The following CIB2 variants were observed in gnomAD, a reference collection of about 807,000 sequenced individuals.
The protein encoded by CIB2 is calcium and integrin-binding family member 2.
CIB2 carries 19 observed loss-of-function variants against 23.1 expected under a neutral mutation model. The ratio of observed to expected loss-of-function variants is 0.82; its 90% confidence interval spans 0.57 to 1.21. The LOEUF is 1.21. Ranked by LOEUF, CIB2 falls within the 50% of genes most tolerant of loss-of-function variation. The pLI is 0.00. For missense variants in CIB2, 220 were observed against 241.5 expected (o/e 0.91, Z 0.59); for synonymous variants, 94 against 91.7 (o/e 1.03, Z -0.14).
chr15:78,108,889 T>C (rs1340200954), intron 4 of CIB2, among the ~76,000 whole-genome samples: 1 of 152,206 alleles, frequency 6.6e-6, no homozygotes. Context: ...CGCTTCCCTG[T>C]GTCTGCATGG....
At chr15:78,130,467 C>T (rs578233994) in intron 1 of CIB2, among the ~76,000 whole-genome samples, 3 of 152,226 alleles carry the variant, frequency 2.0e-5, no homozygotes, top group African/African-American at 7.2e-5. Context: ...GCAACCACAG[C>T]GAAGTTTTTA....
At chr15:78,117,241 A>G (rs2074252340) in intron 2 of CIB2, among the ~76,000 whole-genome samples, 1 of 133,450 alleles carries the variant, frequency 7.5e-6, no homozygotes, top group Non-Finnish European at 1.6e-5. Flanking sequence ...TCTTCAAGCT[A>G]CTGGCAAAAA....
intron 2 of CIB2, 88 bp from the exon 3 acceptor site, chr15:78,111,364 C>T: frequency 9.9e-7 from 1 of 1,013,574 alleles, no homozygotes; most frequent in Admixed American, 2.2e-5. Context: ...GCCTCTGCCT[C>T]TGCAGAACAT....
At chr15:78,116,241 T>A (rs2074239101) in intron 2 of CIB2, among the ~76,000 whole-genome samples, 1 of 152,082 alleles carries the variant, frequency 6.6e-6, no homozygotes, top group East Asian at 1.9e-4. Flanking sequence ...AGCCAATCAC[T>A]TGAGCCTAGG....
chr15:78,131,111 G>A lies in CIB2; in HGVS notation c.51+54C>T. 6.7e-7 allele frequency: 1 copy of A among 1,493,306 alleles called. No homozygotes were observed. Among genetic ancestry groups the A allele is most frequent in the South Asian group, 1.2e-5 (1 of 83,276 alleles). The allele number at this position is 1,493,306 out of a possible 1,614,324, so 92.5% of individuals were successfully genotyped here. On this transcript the variant is annotated intron_variant, in intron 1 of 5. Coordinates refer to ENST00000258930, the MANE Select transcript of CIB2 (RefSeq NM_006383.4). The surrounding 1 kb of genome is among the most constrained non-coding windows in gnomAD (Gnocchi z 5.8). ...GCCTCGGCCAGCGACCGAGAAAAGG[G>A]AGGGGCGGCGGGGCGGCGGGGCCTG... is the stretch of plus-strand genomic sequence containing the variant.
intron 3 of CIB2, chr15:78,110,607 C>T (rs1042256144): frequency 2.7e-5 from 12 of 450,988 alleles, no homozygotes; most frequent in African/African-American, 1.0e-4. Context: ...ACTCATGAAA[C>T]GAAACATTCA....
At chr15:78,123,655 C>A (rs780326959) in intron 2 of CIB2, 50 bp downstream of exon 2, 1 of 1,608,260 alleles carries the variant, frequency 6.2e-7, no homozygotes, top group African/African-American at 1.3e-5. Flanking sequence ...CCCAGCCTCA[C>A]CCCGGCCCCA....
chr15:78,105,640 A>G (rs1048885470), intron 5 of CIB2, 99 bp downstream of exon 5: 1 of 1,594,774 alleles, frequency 6.3e-7, no homozygotes, highest in African/African-American at 1.3e-5. Context: ...CTGGCCGCAC[A>G]CCACTGCTCA....
intron 4 of CIB2, among the ~76,000 whole-genome samples, chr15:78,107,636 C>T (rs972889785): frequency 4.6e-5 from 7 of 152,184 alleles, no homozygotes; most frequent in Admixed American, 2.0e-4. Flanking sequence ...ATTCCTGTGC[C>T]CACCCGGTCC....
chr15:78,127,008 T>C (rs2074390256), intron 1 of CIB2, among the ~76,000 whole-genome samples: 1 of 152,168 alleles, frequency 6.6e-6, no homozygotes, highest in African/African-American at 2.4e-5. Context: ...AGGCAAGTCA[T>C]TCTCCTTTCT....
Position 78,111,225 on chromosome 15 carries a change from G to A in CIB2, c.138C>T (p.Tyr46=). The A allele has an allele frequency of 3.1e-6, 5 of 1,614,176 alleles. No homozygotes were observed. Among genetic ancestry groups the A allele is most frequent in the Non-Finnish European group, 4.2e-6 (5 of 1,180,034 alleles). Residue 46 remains tyrosine (Y), a synonymous_variant, in exon 3 of 6, where the codon TAC becomes TAT. Transcript: ENST00000258930. ...GCACGTGGACGATGGGGCTCTTCCTGTAGTCCATTGGGACGAGGTTGGGGG... is the reference window on the plus strand; with the variant it reads ...GCACGTGGACGATGGGGCTCTTCCTATAGTCCATTGGGACGAGGTTGGGGG... ...ELAPNLVPMD[Y]RKSPIVHVPM...
Position 78,105,295 on chromosome 15 carries a change from A to G in CIB2, c.*16T>C. On this transcript the variant is annotated 3_prime_UTR_variant, in exon 6 of 6. Coordinates refer to ENST00000258930, the MANE Select transcript of CIB2 (RefSeq NM_006383.4). ...GGATGGTGGACTTCTAGGCCCCTAC[A>G]GCCTCGGCAGTGTCCTCAGATCCGG... is the stretch of plus-strand genomic sequence containing the variant. The G allele has an allele frequency of 6.2e-7, 1 of 1,613,880 alleles. No individual in the cohort carries two copies. Among genetic ancestry groups the G allele is most frequent in the East Asian group, 2.2e-5 (1 of 44,870 alleles).
chr15:78,109,196 CCACCGCATATTCAGG>C (rs1567049791), intron 4 of CIB2, 24 bp downstream of exon 4: 12 of 1,219,666 alleles, frequency 9.8e-6, no homozygotes, highest in South Asian at 3.9e-5. Context: ...ACATGTTCCC[CCACCGCATATTCAGG>C]CCCCCTCCTC....
chr15:78,129,291 C>A (rs2141922800), intron 1 of CIB2, among the ~76,000 whole-genome samples: 1 of 152,212 alleles, frequency 6.6e-6, no homozygotes, highest in East Asian at 1.9e-4. Context: ...ATTTCTCCCA[C>A]CCCGCCTGGC....
Position 78,131,024 on chromosome 15 carries a change from G to C in CIB2, c.51+141C>G, listed in dbSNP as rs892052531. On this transcript the variant is annotated intron_variant, in intron 1 of 5. Coordinates refer to ENST00000258930, the MANE Select transcript of CIB2 (RefSeq NM_006383.4). This position sits in a 1 kb window ranked among gnomAD's most constrained non-coding sequence, Gnocchi z 5.8. Reference sequence around the variant, plus strand: ...CGGCGAGGGGAAGTCACCGGCCCAAGGTCACGCGTCGAGCTGAAGGCAGAG... The same window carrying C: ...CGGCGAGGGGAAGTCACCGGCCCAACGTCACGCGTCGAGCTGAAGGCAGAG... 5.3e-6 allele frequency: 3 copies of C among 564,934 alleles called. No homozygotes were observed. Among genetic ancestry groups the C allele is most frequent in the African/African-American group, 4.0e-5 (2 of 50,270 alleles). The allele number at this position is 564,934 out of a possible 1,614,324, so 35.0% of individuals were successfully genotyped here.
chr15:78,106,755 G>A (rs1171391077), intron 4 of CIB2, among the ~76,000 whole-genome samples: 2 of 152,096 alleles, frequency 1.3e-5, no homozygotes, highest in Non-Finnish European at 2.9e-5. Context: ...CCAGTGGCGG[G>A]GCTTTCTAGC....
intron 2 of CIB2, 70 bp from the exon 3 acceptor site, chr15:78,111,346 C>T: frequency 8.1e-7 from 1 of 1,241,740 alleles, no homozygotes; most frequent in South Asian, 1.4e-5. Flanking sequence ...CGGTGCTGTC[C>T]TGCCTAGGCC....
chr15:78,115,450 T>C (rs2141898639), intron 2 of CIB2, among the ~76,000 whole-genome samples: 1 of 151,852 alleles, frequency 6.6e-6, no homozygotes, highest in Non-Finnish European at 1.5e-5. Context: ...TTAGTAGAGA[T>C]GGGGTTTCGT....
In CIB2 at chr15:78,105,933, G is replaced by A; in HGVS notation, c.348C>T (p.Asp116=). ...TGCAGATGAAGTTGTCAGTGTTGAA[G>A]TCTGTAGGGCAGGGGTTGGACATGT... ...LKANYAFKIY[D]FNTDNFICKE... The change falls in exon 5 of 6, where the codon GAC becomes GAT. Residue 116 remains aspartate (D), a splice_region_variant and synonymous_variant. Coordinates refer to ENST00000258930, the MANE Select transcript of CIB2 (RefSeq NM_006383.4). The A allele has an allele frequency of 6.2e-7, 1 of 1,613,942 alleles. No homozygotes were observed. The highest frequency in any genetic ancestry group is 1.1e-5 in the South Asian group (1 of 91,084).
Sources: gnomAD v4.1 joint callset for allele counts (sites outside exome capture counted in the v4.1 genomes callset) on GRCh38, gnomAD v4.1.1 for gene constraint, Gnocchi (gnomAD v3.1) non-coding constraint, MANE v1.5 for transcripts, NCBI Gene and HGNC (gene_info 2026-07-23, HGNC 2026-07-21) for gene names.